Variants in GFPT1 observed in about 807,000 individuals in gnomAD.
The protein encoded by GFPT1 is glutamine--fructose-6-phosphate transaminase 1, also known as glutamine--fructose-6-phosphate aminotransferase [isomerizing] 1.
A neutral mutation model predicts 92.0 loss-of-function variants in GFPT1; 40 were observed. That is an observed-to-expected ratio of 0.43 (90% confidence interval 0.34 to 0.57). The LOEUF is 0.57. Ranked by LOEUF, GFPT1 falls within the 20% of genes least tolerant of loss-of-function variation. The pLI is 0.02. For synonymous variants in GFPT1, 269 were observed against 280.6 expected (o/e 0.96, Z 0.41); for missense variants, 448 against 869.1 (o/e 0.52, Z 6.09).
chr2:69,338,374 T>G, intron 14 of GFPT1, 71 bp downstream of exon 14: 1 of 1,334,990 alleles, frequency 7.5e-7, no homozygotes, highest in Non-Finnish European at 1.1e-6. Context: ...AATATCAGCT[T>G]TTGCCAAGAT....
chr2:69,361,106 C>T (rs1671461779), intron 4 of GFPT1, among the ~76,000 whole-genome samples: 1 of 151,950 alleles, frequency 6.6e-6, no homozygotes, highest in Non-Finnish European at 1.5e-5. Context: ...AAATAATAAA[C>T]ATTTTCACTA....
intron 3 of GFPT1, among the ~76,000 whole-genome samples, chr2:69,367,765 T>C (rs1671646223): frequency 6.6e-6 from 1 of 152,200 alleles, no homozygotes; most frequent in Non-Finnish European, 1.5e-5. Flanking sequence ...GTTCACTGTG[T>C]TTCCTTCAAG....
rs1221672601 is a variant in GFPT1 at position 69,325,420 on chromosome 2, A to G, written c.*769T>C. Reference sequence around the variant, plus strand: ...TTAGGAGATGAAAACACAAAGTAGTAGGATACCCAACATGTACACATCCCA... The same window carrying G: ...TTAGGAGATGAAAACACAAAGTAGTGGGATACCCAACATGTACACATCCCA... On this transcript the variant is annotated 3_prime_UTR_variant, in exon 20 of 20. Transcript: ENST00000357308. The G allele has an allele frequency of 6.6e-6, 1 of 152,224 alleles. No homozygotes were observed. The highest frequency in any genetic ancestry group is 2.4e-5 in the African/African-American group (1 of 41,472). 9.4% of individuals were successfully genotyped at this position (152,224 alleles called of 1,614,324 possible). A position where few individuals can be genotyped will look rare whatever the true frequency, so the allele number is the denominator to read the frequency against.
intron 8 of GFPT1, 75 bp from the exon 9 acceptor site, chr2:69,354,387 G>C: frequency 7.4e-7 from 1 of 1,350,422 alleles, no homozygotes. Context: ...TGTCTAGACA[G>C]AACTATATAT....
chr2:69,355,815 G>A (rs1419690174), intron 7 of GFPT1, among the ~76,000 whole-genome samples: 1 of 152,018 alleles, frequency 6.6e-6, no homozygotes, highest in Non-Finnish European at 1.5e-5. Context: ...AAGAAGTAGT[G>A]ATGGTACAAT....
At position 69,324,995 on chromosome 2, in the gene GFPT1, G is replaced by T. The variant is rs570689496; in HGVS notation, c.*1194C>A. 1 of 151,996 alleles carries T rather than the reference G, an allele frequency of 6.6e-6. No individual in the cohort carries two copies. Among genetic ancestry groups the T allele is most frequent in the East Asian group, 1.9e-4 (1 of 5,184 alleles). The allele number at this position is 151,996 out of a possible 1,614,324, so 9.4% of individuals were successfully genotyped here. On this transcript the variant is annotated 3_prime_UTR_variant, in exon 20 of 20. Transcript: ENST00000357308. ...TCTTTATTCCTAAATATATTTCAGGGGTAGAGCACAGAAAATACAGAAGAG... is the reference window on the plus strand; with the variant it reads ...TCTTTATTCCTAAATATATTTCAGGTGTAGAGCACAGAAAATACAGAAGAG...
intron 1 of GFPT1, among the ~76,000 whole-genome samples, chr2:69,381,860 ACT>A (rs1417080753): frequency 8.9e-6 from 1 of 111,830 alleles, no homozygotes; most frequent in East Asian, 2.2e-4. Context: ...GCTACTTATA[ACT>A]CTTTTTTTTT....
At chr2:69,382,687 T>C (rs1223742090) in intron 1 of GFPT1, among the ~76,000 whole-genome samples, 2 of 152,248 alleles carry the variant, frequency 1.3e-5, no homozygotes, top group South Asian at 2.1e-4. Flanking sequence ...CTTCATCTGG[T>C]AGTAGTTCTC....
At chr2:69,361,954 G>C (rs1440671589) in intron 4 of GFPT1, among the ~76,000 whole-genome samples, 1 of 152,120 alleles carries the variant, frequency 6.6e-6, no homozygotes, top group Non-Finnish European at 1.5e-5. Context: ...TACCCAGCCT[G>C]GGTGGAGGAG....
At chr2:69,357,902 T>A (rs1671379059) in intron 6 of GFPT1, among the ~76,000 whole-genome samples, 1 of 152,152 alleles carries the variant, frequency 6.6e-6, no homozygotes, top group South Asian at 2.1e-4. Flanking sequence ...CAAGCAGGCA[T>A]TATCCCAGAA....
intron 9 of GFPT1, among the ~76,000 whole-genome samples, 172 bp downstream of exon 9, chr2:69,354,087 G>A (rs1574066176): frequency 2.0e-5 from 3 of 152,118 alleles, no homozygotes; most frequent in African/African-American, 7.2e-5. Flanking sequence ...GCCAAAAGCA[G>A]ACACGCAAAA....
At chr2:69,344,755 C>T (rs576923359) in intron 12 of GFPT1, among the ~76,000 whole-genome samples, 1 of 151,804 alleles carries the variant, frequency 6.6e-6, no homozygotes, top group Non-Finnish European at 1.5e-5. Flanking sequence ...GCAATCCTCC[C>T]ACCTCAGGCT....
At chr2:69,358,162 A>G (rs530318810) in intron 6 of GFPT1, among the ~76,000 whole-genome samples, 167 bp downstream of exon 6, 14 of 152,308 alleles carry the variant, frequency 9.2e-5, no homozygotes, top group African/African-American at 3.4e-4. Context: ...GTGGGGGGGA[A>G]TCAATAAATC....
intron 3 of GFPT1, among the ~76,000 whole-genome samples, chr2:69,368,425 C>G (rs1053161617): frequency 6.6e-6 from 1 of 151,964 alleles, no homozygotes; most frequent in Non-Finnish European, 1.5e-5. Flanking sequence ...CAGATAACTA[C>G]ACTTCAAAAA....
At chr2:69,376,283 C>A (rs769012812) in intron 1 of GFPT1, among the ~76,000 whole-genome samples, 5 of 152,196 alleles carry the variant, frequency 3.3e-5, no homozygotes, top group South Asian at 2.1e-4. Flanking sequence ...CTAAGGCAGG[C>A]GCATCACCTG....
rs1378137959 is a variant in GFPT1 at position 69,323,711 on chromosome 2, C to G, written c.*2478G>C. 6.8e-6 allele frequency: 1 copy of G among 147,092 alleles called. No individual in the cohort carries two copies. The highest frequency in any genetic ancestry group is 2.5e-5 in the African/African-American group (1 of 39,246). The allele number at this position is 147,092 out of a possible 1,614,324, so 9.1% of individuals were successfully genotyped here. A position where few individuals can be genotyped will look rare whatever the true frequency, so the allele number is the denominator to read the frequency against. ...TTTTTTTTTTTGAGAGAGTCTTGCT[C>G]TGTCGCCAGGCTGGAGTGTAGTGGC... On this transcript the variant is annotated 3_prime_UTR_variant, in exon 20 of 20. Transcript: ENST00000357308.
chr2:69,339,295 A>G (rs1670878820), intron 13 of GFPT1, among the ~76,000 whole-genome samples: 1 of 152,234 alleles, frequency 6.6e-6, no homozygotes, highest in Non-Finnish European at 1.5e-5. Context: ...CTTTAAAAGT[A>G]CAACGTATTC....
At chr2:69,374,851 A>C (rs1029392352) in intron 1 of GFPT1, among the ~76,000 whole-genome samples, 10 of 152,260 alleles carry the variant, frequency 6.6e-5, no homozygotes, top group Non-Finnish European at 1.3e-4. Flanking sequence ...ATTTAGGAAT[A>C]AATGATATGA....
At chr2:69,327,309 A>T (rs181849749) in intron 18 of GFPT1, among the ~76,000 whole-genome samples, 13 of 152,372 alleles carry the variant, frequency 8.5e-5, no homozygotes, top group Non-Finnish European at 1.3e-4. Flanking sequence ...CAGGCTTAGT[A>T]CTTGACTGCA....
Sources: allele counts gnomAD v4.1 joint callset (sites outside exome capture counted in the v4.1 genomes callset), GRCh38; gene constraint gnomAD v4.1.1; transcripts MANE v1.5; gene names NCBI Gene and HGNC (gene_info 2026-07-23, HGNC 2026-07-21).